Variants in RCSD1 observed in about 807,000 individuals in gnomAD.
RCSD1 encodes RCSD domain containing 1.
A neutral mutation model predicts 42.5 loss-of-function variants in RCSD1; 26 were observed. That is an observed-to-expected ratio of 0.61 (90% CI 0.45 to 0.85). RCSD1 has a LOEUF of 0.85. Ranked by LOEUF, RCSD1 falls within the 40% of genes least tolerant of loss-of-function variation. The pLI, the probability that RCSD1 is intolerant of heterozygous loss-of-function variation, is 0.00. For missense variants in RCSD1, 571 were observed against 528.3 expected, an observed-to-expected ratio of 1.08 and a Z score of -0.79; for synonymous variants, 220 against 212.2, an observed-to-expected ratio of 1.04 and a Z score of -0.32.
At chr1:167,661,450 T>C (rs1463683764) in intron 1 of RCSD1, among the ~76,000 whole-genome samples, 1 of 152,250 alleles carries the variant, frequency 6.6e-6, no homozygotes, top group Non-Finnish European at 1.5e-5. Flanking sequence ...AGCACTGTGC[T>C]GACCCTGGGG....
chr1:167,636,085 C>T (rs1186511101), intron 1 of RCSD1, among the ~76,000 whole-genome samples: 1 of 152,194 alleles, frequency 6.6e-6, no homozygotes, highest in Admixed American at 6.5e-5. Context: ...CAGTCAGCCT[C>T]CCGTTTTTTT....
intron 1 of RCSD1, among the ~76,000 whole-genome samples, chr1:167,682,754 T>C (rs560225101): frequency 3.0e-4 from 46 of 151,614 alleles, no homozygotes; most frequent in African/African-American, 9.9e-4. Flanking sequence ...TCCTTTGTTT[T>C]TGTAGACCAC....
At chr1:167,643,779 G>A (rs1242603596) in intron 1 of RCSD1, among the ~76,000 whole-genome samples, 1 of 152,234 alleles carries the variant, frequency 6.6e-6, no homozygotes, top group Non-Finnish European at 1.5e-5. Context: ...TGAGTCGGTG[G>A]TTGTGTAAAG....
chr1:167,690,314 A>G (rs963991533), intron 4 of RCSD1, among the ~76,000 whole-genome samples, 194 bp downstream of exon 4: 6 of 152,078 alleles, frequency 3.9e-5, no homozygotes, highest in African/African-American at 9.7e-5. Context: ...GAACTAACAT[A>G]AGGACCACAT....
At chr1:167,639,187 A>G (rs1031867531) in intron 1 of RCSD1, among the ~76,000 whole-genome samples, 1 of 152,212 alleles carries the variant, frequency 6.6e-6, no homozygotes, top group Non-Finnish European at 1.5e-5. Context: ...ACTGCACTCC[A>G]GCCTGGGTGA....
intron 6 of RCSD1, among the ~76,000 whole-genome samples, chr1:167,699,132 T>A (rs985476437): frequency 6.6e-6 from 1 of 152,122 alleles, no homozygotes; most frequent in Non-Finnish European, 1.5e-5. Flanking sequence ...TCCACTTTTT[T>A]TTCCCCCTGC....
rs189474423 is a variant in RCSD1, at chr1:167,644,367, T to C, written c.6+13938T>C. ...GGTGGTGTGCGCCTATAATCCCACC[T>C]ACTCAGGAGGCTGAGACAGGAGAAT... is the stretch of plus-strand genomic sequence containing the variant. On this transcript the variant is annotated intron_variant, in intron 1 of 6. Coordinates refer to ENST00000367854, the MANE Select transcript of RCSD1 (RefSeq NM_052862.4). Among the ~76,000 whole-genome samples the C allele has an allele frequency of 5.3e-5, 8 of 152,222 alleles. No individual in the cohort carries two copies. The East Asian group carries it at 1.5e-3, about 29-fold the overall frequency.
Position 167,696,986 on chromosome 1 carries a change from C to G in RCSD1, c.475-113C>G, listed in dbSNP as rs1002976298. The G allele has an allele frequency of 7.5e-6, 7 of 929,250 alleles. No homozygotes were observed. In the African/African-American group the frequency reaches 1.2e-4, roughly 15 times the overall value. The allele number at this position is 929,250 out of a possible 1,614,324, so 57.6% of individuals were successfully genotyped here. On this transcript the variant is annotated intron_variant, in intron 5 of 6. Transcript: ENST00000367854. ...CGTTCTCCTGGAAAATTAAACGGTC[C>G]TTGCGTGGACTTGTGAAGCAGTGCA...
intron 6 of RCSD1, among the ~76,000 whole-genome samples, chr1:167,701,854 C>T (rs1659653309): frequency 6.6e-6 from 1 of 152,090 alleles, no homozygotes; most frequent in Non-Finnish European, 1.5e-5. Context: ...CAAAAGGAAC[C>T]ATCAGTAAGA....
In RCSD1 at chr1:167,694,100, C is replaced by A. The variant is rs543266776; in HGVS notation, c.272C>A (p.Ala91Asp). 3 of 1,614,088 alleles carry A rather than the reference C, an allele frequency of 1.9e-6. No homozygotes were observed. Among genetic ancestry groups the A allele is most frequent in the South Asian group, 1.1e-5 (1 of 91,082 alleles). The change falls in exon 5 of 7, where the codon GCC becomes GAC. Residue 91 changes from alanine to aspartate, a missense_variant and splice_region_variant. Coordinates refer to ENST00000367854, the MANE Select transcript of RCSD1 (RefSeq NM_052862.4). Reference sequence around the variant, plus strand: ...AAATTGTTCATCTTTTCTTGACAGGCCAATTTAACCTTTGACCCAGCTGCT... The same window carrying A: ...AAATTGTTCATCTTTTCTTGACAGGACAATTTAACCTTTGACCCAGCTGCT... ...KSSPLIEKLQ[A>D]NLTFDPAALL... is the part of the protein sequence containing the mutation.
chr1:167,651,187 G>C (rs1315501338), intron 1 of RCSD1, among the ~76,000 whole-genome samples: 1 of 152,162 alleles, frequency 6.6e-6, no homozygotes, highest in Non-Finnish European at 1.5e-5. Flanking sequence ...TGGTACTAGG[G>C]GTTAGGGCTT....
chr1:167,674,945 A>G lies in RCSD1; in HGVS notation c.7-8955A>G, dbSNP rs570735724. Among the ~76,000 whole-genome samples the G allele has an allele frequency of 4.7e-4, 72 of 152,184 alleles. 1 individual carries two copies. The highest frequency in any genetic ancestry group is 6.6e-4 in the Non-Finnish European group (45 of 68,008). On this transcript the variant is annotated intron_variant, in intron 1 of 6. Coordinates refer to ENST00000367854, the MANE Select transcript of RCSD1 (RefSeq NM_052862.4). Reference sequence around the variant, plus strand: ...TATCCAGCCGGGTGCGGTGGCTCACACCTGTAATCCCAGCACTTTGGGAGG... The same window carrying G: ...TATCCAGCCGGGTGCGGTGGCTCACGCCTGTAATCCCAGCACTTTGGGAGG...
intron 1 of RCSD1, among the ~76,000 whole-genome samples, chr1:167,640,866 T>C (rs1391909913): frequency 1.3e-5 from 2 of 152,150 alleles, no homozygotes; most frequent in African/African-American, 2.4e-5. Flanking sequence ...TTATCATAAC[T>C]TTTAGGGGGT....
intron 1 of RCSD1, among the ~76,000 whole-genome samples, chr1:167,632,506 T>G (rs1657728713): frequency 6.6e-6 from 1 of 152,114 alleles, no homozygotes; most frequent in Non-Finnish European, 1.5e-5. Context: ...AGCAACTTCC[T>G]GTGTGGCTTG....
At chr1:167,634,375 C>G (rs1488434054) in intron 1 of RCSD1, among the ~76,000 whole-genome samples, 1 of 143,290 alleles carries the variant, frequency 7.0e-6, no homozygotes, top group Non-Finnish European at 1.6e-5. Flanking sequence ...GAAGGAAGAT[C>G]AGGGTTTTTT....
rs190376152 is a variant in RCSD1, at chr1:167,708,282, T to C, written c.*3586T>C. On this transcript the variant is annotated 3_prime_UTR_variant, in exon 7 of 7. Coordinates refer to ENST00000367854, the MANE Select transcript of RCSD1 (RefSeq NM_052862.4). ...AGGGTGCTGTTACCAAAAGAAGCTA[T>C]GCTGGCAGGCAAAAAACAACAGCTG... 6.6e-6 allele frequency among the ~76,000 whole-genome samples: 1 copy of C among 152,326 alleles called. No homozygotes were observed. The highest frequency in any genetic ancestry group is 1.9e-4 in the East Asian group (1 of 5,188).
chr1:167,658,668 T>C (rs2102212403), intron 1 of RCSD1, among the ~76,000 whole-genome samples: 1 of 152,214 alleles, frequency 6.6e-6, no homozygotes, highest in Non-Finnish European at 1.5e-5. Context: ...TGACCTCAAA[T>C]GATCCACCCT....
chr1:167,689,480 CAAA>C (rs757551808), intron 3 of RCSD1, among the ~76,000 whole-genome samples: 2 of 82,916 alleles, frequency 2.4e-5, no homozygotes, highest in Admixed American at 1.3e-4. Flanking sequence ...GACTCTGTCT[CAAA>C]AAAAAAAAAA....
chr1:167,691,485 C>T (rs1043765379), intron 4 of RCSD1, among the ~76,000 whole-genome samples: 2 of 152,336 alleles, frequency 1.3e-5, no homozygotes, highest in African/African-American at 4.8e-5. Flanking sequence ...CAGGTGGGGG[C>T]TGTAGGAGAG....
Sources: allele counts gnomAD v4.1 joint callset (sites outside exome capture counted in the v4.1 genomes callset), GRCh38; gene constraint gnomAD v4.1.1; transcripts MANE v1.5; gene names NCBI Gene and HGNC (gene_info 2026-07-23, HGNC 2026-07-21).